The following HDAC4 variants were observed in gnomAD, a reference collection of about 807,000 sequenced individuals.
HDAC4 encodes the protein histone deacetylase 4.
A neutral mutation model predicts 135.1 loss-of-function variants in HDAC4; 16 were observed. That is an observed-to-expected ratio of 0.12 (90% CI 0.08 to 0.18). The LOEUF (loss-of-function observed/expected upper bound fraction) is 0.18, where lower values mean the gene tolerates loss of function less well. HDAC4 is among the 10% of genes least tolerant of loss of function. HDAC4 has a pLI of 1.00. For missense variants in HDAC4, 1,143 were observed against 1,511.8 expected (o/e 0.76, Z 4.05); for synonymous variants, 685 against 653.4 (o/e 1.05, Z -0.74).
At chr2:239,228,682 T>C (rs772554934) in intron 3 of HDAC4, among the ~76,000 whole-genome samples, 7 of 152,136 alleles carry the variant, frequency 4.6e-5, no homozygotes, top group Non-Finnish European at 1.0e-4. Flanking sequence ...GGCATGGGTA[T>C]GAACAGACCT....
At chr2:239,387,069 C>G (rs1467624678) in intron 1 of HDAC4, among the ~76,000 whole-genome samples, 3 of 151,580 alleles carry the variant, frequency 2.0e-5, no homozygotes, top group African/African-American at 2.4e-5. Context: ...GTGTGCGTGT[C>G]CGGGGAGCAC....
At chr2:239,389,705 C>T (rs1029420031) in intron 1 of HDAC4, among the ~76,000 whole-genome samples, 2 of 152,168 alleles carry the variant, frequency 1.3e-5, no homozygotes, top group Non-Finnish European at 2.9e-5. Context: ...TCATGAGGCA[C>T]GAGGAGCTAA....
intron 1 of HDAC4, among the ~76,000 whole-genome samples, chr2:239,392,795 G>A (rs575649112): frequency 6.6e-6 from 1 of 152,362 alleles, no homozygotes; most frequent in East Asian, 1.9e-4. Context: ...CTGCTGACCT[G>A]CTGGGGGCCC....
chr2:239,094,966 C>T (rs753107883), intron 17 of HDAC4, 44 bp downstream of exon 17: 14 of 1,613,164 alleles, frequency 8.7e-6, no homozygotes, highest in Admixed American at 3.3e-5. Flanking sequence ...CACTGGGACT[C>T]GAGAAGAAAC....
intron 15 of HDAC4, among the ~76,000 whole-genome samples, chr2:239,107,227 C>A (rs1559439909): frequency 6.6e-6 from 1 of 152,236 alleles, no homozygotes; most frequent in Non-Finnish European, 1.5e-5. Context: ...GTGCGGCCCC[C>A]GTCCTGCCCT....
intron 3 of HDAC4, among the ~76,000 whole-genome samples, chr2:239,198,196 C>A (rs1307250341): frequency 6.6e-6 from 1 of 152,178 alleles, no homozygotes; most frequent in Non-Finnish European, 1.5e-5. Flanking sequence ...ACCGTCCCTG[C>A]AAAAGCCTCC....
intron 3 of HDAC4, among the ~76,000 whole-genome samples, chr2:239,206,940 T>A (rs1447700506): frequency 6.6e-6 from 1 of 152,138 alleles, no homozygotes; most frequent in Non-Finnish European, 1.5e-5. Context: ...CACTAGAATG[T>A]TATTGATGAA....
chr2:239,082,171 G>T lies in HDAC4; in HGVS notation c.2583C>A (p.Ser861Arg). Residue 861 changes from serine (S) to arginine (R), a missense_variant, in exon 21 of 27, where the codon AGC (serine) becomes AGA (arginine). By Grantham distance (110) the Ser-to-Arg change is moderately radical. Transcript: ENST00000543185. ...GTQQAFYSDP[S>R]VLYMSLHRYD... The stretch of plus-strand genomic sequence containing the variant: ...AGCGGTGGAGGGACATGTACAGGAC[G>T]CTGGGGTCGCTGTAGAAAGCCTGCT... 6.2e-7 allele frequency: 1 copy of T among 1,614,110 alleles called. No homozygotes were observed. The highest frequency in any genetic ancestry group is 8.5e-7 in the Non-Finnish European group (1 of 1,179,950).
intron 2 of HDAC4, among the ~76,000 whole-genome samples, chr2:239,243,448 G>A (rs750375224): frequency 1.6e-4 from 25 of 152,140 alleles, no homozygotes; most frequent in Non-Finnish European, 2.8e-4. Flanking sequence ...CACCGCTCCC[G>A]GCTGGATAAA....
intron 7 of HDAC4, among the ~76,000 whole-genome samples, chr2:239,147,515 T>A (rs2041843131): frequency 6.6e-6 from 1 of 152,272 alleles, no homozygotes; most frequent in African/African-American, 2.4e-5. Context: ...GTGTACTGGC[T>A]CAGTGCAGCA....
In HDAC4 at chr2:239,285,640, C is replaced by G. The variant is rs1443521733; in HGVS notation, c.23-48976G>C. 6.6e-6 allele frequency among the ~76,000 whole-genome samples: 1 copy of G among 152,206 alleles called. No individual in the cohort carries two copies. Among genetic ancestry groups the G allele is most frequent in the East Asian group, 1.9e-4 (1 of 5,198 alleles). On this transcript the variant is annotated intron_variant, in intron 2 of 26. Transcript: ENST00000543185. This position sits in a 1 kb window ranked among gnomAD's most constrained non-coding sequence, Gnocchi z 4.5. ...TGGCAGACAAGTCATCTTACAGGCT[C>G]TTGTGCTGTGGAAACCCCAGGTTCT...
rs3828210 is a variant in HDAC4, at chr2:239,143,835, T to A, written c.865+748A>T. Among the ~76,000 whole-genome samples, 9 of 152,090 alleles carry A rather than the reference T, an allele frequency of 5.9e-5. No individual in the cohort carries two copies. In the South Asian group the frequency reaches 1.9e-3, roughly 32 times the overall value. On this transcript the variant is annotated intron_variant, in intron 8 of 26. Transcript: ENST00000543185. ...CTACCATGAGCCTTGGCCTTCAAGT[T>A]GAACACTTTCTGTTGTGCAAACATG...
intron 1 of HDAC4, among the ~76,000 whole-genome samples, chr2:239,361,239 C>T (rs1693847803): frequency 6.6e-6 from 1 of 152,330 alleles, no homozygotes; most frequent in Non-Finnish European, 1.5e-5. Flanking sequence ...ACTGAATGAA[C>T]GTTTTTAAGG....
chr2:239,095,097 G>A (rs777362669), intron 16 of HDAC4, 41 bp from the exon 17 acceptor site: 10 of 1,612,050 alleles, frequency 6.2e-6, no homozygotes, highest in Middle Eastern at 1.7e-4. Flanking sequence ...CCAAGGGCAC[G>A]CGGCCAAGGT....
chr2:239,134,760 C>T (rs747951204), intron 9 of HDAC4, 117 bp from the exon 10 acceptor site: 24 of 786,510 alleles, frequency 3.1e-5, no homozygotes, highest in Non-Finnish European at 4.5e-5. Flanking sequence ...TGAGCGTAAA[C>T]GTACATGTAA....
At chr2:239,086,478 A>G (rs1420049893) in intron 19 of HDAC4, among the ~76,000 whole-genome samples, 36 of 123,846 alleles carry the variant, frequency 2.9e-4, no homozygotes, top group African/African-American at 3.4e-4. Context: ...CTCACGTACA[A>G]TCTCTTCCCT....
At chr2:239,055,488 G>A (rs377730662) in intron 24 of HDAC4, 18 of 157,042 alleles carry the variant, frequency 1.1e-4, no homozygotes, top group East Asian at 5.6e-4. Context: ...AGGCCGAGGC[G>A]GGTGGATCAC....
At chr2:239,117,248 T>G (rs537893558) in intron 12 of HDAC4, among the ~76,000 whole-genome samples, 3 of 152,280 alleles carry the variant, frequency 2.0e-5, no homozygotes, top group South Asian at 2.1e-4. Context: ...AAGGGCACTC[T>G]GGGCTGAAAA....
chr2:239,073,268 TC>T (rs1313727913), intron 22 of HDAC4, among the ~76,000 whole-genome samples: 4 of 152,212 alleles, frequency 2.6e-5, no homozygotes, highest in Admixed American at 2.0e-4. Context: ...TAGACCTGCC[TC>T]TGCGGCAGCT....
Sources: allele counts gnomAD v4.1 joint callset (sites outside exome capture counted in the v4.1 genomes callset), GRCh38; gene constraint gnomAD v4.1.1; non-coding constraint Gnocchi (gnomAD v3.1); transcripts MANE v1.5; gene names NCBI Gene and HGNC (gene_info 2026-07-23, HGNC 2026-07-21).